The following RARB variants were observed in gnomAD, a reference collection of about 807,000 sequenced individuals.
RARB encodes retinoic acid receptor beta, also known as HBV-activated protein.
In RARB, 17 loss-of-function variants were observed where a neutral mutation model predicts 51.9. That is an observed-to-expected ratio of 0.33 (90% CI 0.22 to 0.49). The LOEUF is 0.49. RARB is among the 20% of genes least tolerant of loss of function. The pLI is 0.99. For synonymous variants in RARB, 215 were observed against 195.4 expected (o/e 1.10, Z -0.84); for missense variants, 369 against 550.8 (o/e 0.67, Z 3.30).
chr3:25,479,588 A>T (rs1696128900), intron 2 of RARB, among the ~76,000 whole-genome samples: 1 of 152,226 alleles, frequency 6.6e-6, no homozygotes, highest in African/African-American at 2.4e-5. Flanking sequence ...GATTTTAAGG[A>T]GATCTAAAGA....
intron 2 of RARB, among the ~76,000 whole-genome samples, chr3:25,479,564 A>T (rs75819077): frequency 0.015 from 2,227 of 152,320 alleles, 54 homozygotes; most frequent in African/African-American, 0.051. Context: ...CTTTTGAAAG[A>T]ATTGAATTTC....
intron 4 of RARB, among the ~76,000 whole-genome samples, chr3:25,572,212 A>T (rs1211208082): frequency 6.6e-6 from 1 of 152,180 alleles, no homozygotes; most frequent in Non-Finnish European, 1.5e-5. Context: ...GAATGGGAAA[A>T]GCCTGGCGGA....
At chr3:25,371,922 C>T (rs1706312522) in intron 5 of RARB, among the ~76,000 whole-genome samples, 2 of 152,208 alleles carry the variant, frequency 1.3e-5, no homozygotes, top group African/African-American at 4.8e-5. Flanking sequence ...GAAGGCCCCA[C>T]TGAGGAGATG....
At chr3:25,346,236 G>C (rs1705389510) in intron 5 of RARB, among the ~76,000 whole-genome samples, 1 of 152,062 alleles carries the variant, frequency 6.6e-6, no homozygotes, top group Non-Finnish European at 1.5e-5. Flanking sequence ...GATCTTATTA[G>C]AGCATCCCCA....
intron 2 of RARB, among the ~76,000 whole-genome samples, chr3:25,029,983 C>T (rs1363988801): frequency 6.6e-5 from 10 of 152,162 alleles, no homozygotes; most frequent in Admixed American, 6.5e-4. Context: ...TCAGGCAAGA[C>T]AAATCACATC....
chr3:25,385,098 C>T (rs1430582048), intron 5 of RARB, among the ~76,000 whole-genome samples: 1 of 152,162 alleles, frequency 6.6e-6, no homozygotes, highest in Non-Finnish European at 1.5e-5. Flanking sequence ...CACACTTGTC[C>T]TCTCTTTATC....
At chr3:25,196,408 C>T (rs1055272576) in intron 5 of RARB, among the ~76,000 whole-genome samples, 2 of 152,042 alleles carry the variant, frequency 1.3e-5, no homozygotes, top group African/African-American at 4.8e-5. Context: ...ACTCATCCTT[C>T]TTTATGGCTG....
chr3:25,117,428 A>G (rs1002062885), intron 3 of RARB, among the ~76,000 whole-genome samples: 15 of 152,200 alleles, frequency 9.9e-5, no homozygotes, highest in Admixed American at 1.3e-4. Flanking sequence ...AAGTAAAGCA[A>G]TGTTCCATGG....
At chr3:25,188,471 C>A (rs1285024269) in intron 5 of RARB, among the ~76,000 whole-genome samples, 1 of 152,086 alleles carries the variant, frequency 6.6e-6, no homozygotes, top group Non-Finnish European at 1.5e-5. Context: ...AAGAAATTAA[C>A]CCTTCAGAGG....
intron 4 of RARB, among the ~76,000 whole-genome samples, chr3:25,168,056 T>A (rs1042582184): frequency 1.3e-5 from 2 of 152,166 alleles, no homozygotes; most frequent in African/African-American, 4.8e-5. Context: ...TGCAATAAAC[T>A]TCCTCTTTAT....
chr3:25,549,367 A>G (rs376803838), intron 3 of RARB, among the ~76,000 whole-genome samples: 2 of 152,146 alleles, frequency 1.3e-5, no homozygotes, highest in Admixed American at 6.5e-5. Context: ...AGCAGAAGTA[A>G]TTGATGGGCC....
At chr3:25,283,761 G>C (rs933485294) in intron 5 of RARB, among the ~76,000 whole-genome samples, 4 of 152,198 alleles carry the variant, frequency 2.6e-5, no homozygotes, top group Non-Finnish European at 5.9e-5. Context: ...TAAGGGGGCA[G>C]TTTGTGAATG....
intron 4 of RARB, among the ~76,000 whole-genome samples, chr3:25,140,436 C>T (rs1700091243): frequency 6.6e-6 from 1 of 152,058 alleles, no homozygotes; most frequent in Non-Finnish European, 1.5e-5. Context: ...GTGAAAATAG[C>T]AAGAGAGCAA....
At chr3:25,354,189 A>C (rs544037949) in intron 5 of RARB, among the ~76,000 whole-genome samples, 171 of 152,268 alleles carry the variant, frequency 1.1e-3, no homozygotes, top group African/African-American at 3.9e-3. Flanking sequence ...GCCTGGCGGT[A>C]AACTTCAAGT....
chr3:25,294,118 C>T (rs1362231675), intron 5 of RARB, among the ~76,000 whole-genome samples: 1 of 152,120 alleles, frequency 6.6e-6, no homozygotes, highest in Non-Finnish European at 1.5e-5. Context: ...TGTAAGAATT[C>T]CATGAACAAG....
At chr3:24,939,349 G>A (rs959033067) in intron 2 of RARB, among the ~76,000 whole-genome samples, 1 of 152,154 alleles carries the variant, frequency 6.6e-6, no homozygotes. Context: ...TGGAATGCTG[G>A]ATCATGTGTT....
At chr3:24,909,396 C>T (rs1172225606) in intron 2 of RARB, among the ~76,000 whole-genome samples, 2 of 152,120 alleles carry the variant, frequency 1.3e-5, no homozygotes. Context: ...TTGGTGCTCT[C>T]CAGCACATTA....
chr3:25,204,564 C>T (rs1293372417), intron 5 of RARB, among the ~76,000 whole-genome samples: 5 of 151,976 alleles, frequency 3.3e-5, no homozygotes, highest in African/African-American at 9.7e-5. Context: ...TTTTATCTAC[C>T]TTTGGTCTTT....
At chr3:25,130,963 T>C (rs1699941772) in intron 3 of RARB, among the ~76,000 whole-genome samples, 3 of 28,796 alleles carry the variant, frequency 1.0e-4, no homozygotes, top group Admixed American at 5.4e-4. Context: ...TTGATAATAT[T>C]ATCAATATTT....
Sources: gnomAD v4.1 joint callset for allele counts (sites outside exome capture counted in the v4.1 genomes callset) on GRCh38, gnomAD v4.1.1 for gene constraint, MANE v1.5 for transcripts, NCBI Gene and HGNC (gene_info 2026-07-23, HGNC 2026-07-21) for gene names.